The following FER variants were observed in gnomAD, a reference collection of about 807,000 sequenced individuals.
FER encodes the protein tyrosine-protein kinase Fer.
In FER, 63 loss-of-function variants were observed where a neutral mutation model predicts 111.0. The observed-to-expected ratio is 0.57, with a 90% confidence interval of 0.46 to 0.70. The LOEUF is 0.70. Among genes scored for constraint, FER ranks in the 30% least tolerant of loss-of-function variants. The pLI is 0.00. For synonymous variants in FER, 327 were observed against 313.9 expected (o/e 1.04, Z -0.44); for missense variants, 914 against 954.0 (o/e 0.96, Z 0.55).
At chr5:109,004,992 A>T (rs540767512) in intron 13 of FER, among the ~76,000 whole-genome samples, 16 of 152,132 alleles carry the variant, frequency 1.1e-4, no homozygotes, top group Non-Finnish European at 2.2e-4. Context: ...GAACAAACTG[A>T]CTAGGGATGG....
chr5:108,854,192 A>G (rs189644583), intron 5 of FER, among the ~76,000 whole-genome samples: 43 of 152,336 alleles, frequency 2.8e-4, no homozygotes, highest in Middle Eastern at 6.8e-3. Context: ...TATTTTATGT[A>G]TGTTTTCATT....
At chr5:108,958,627 C>T (rs1758742512) in intron 12 of FER, among the ~76,000 whole-genome samples, 1 of 151,760 alleles carries the variant, frequency 6.6e-6, no homozygotes, top group Non-Finnish European at 1.5e-5. Context: ...AGTTTTGTCA[C>T]TGTTGCATTT....
intron 17 of FER, among the ~76,000 whole-genome samples, chr5:109,149,754 G>T (rs1469239553): frequency 6.6e-6 from 1 of 152,070 alleles, no homozygotes; most frequent in African/African-American, 2.4e-5. Context: ...CATGTGGCTG[G>T]GAATAAAATT....
chr5:108,832,748 T>TTG, intron 3 of FER, 22 bp from the exon 4 acceptor site: 2 of 1,445,620 alleles, frequency 1.4e-6, no homozygotes, highest in South Asian at 3.1e-5. Flanking sequence ...AAATGTTTGT[T>TTG]TCTTTTTTTT....
At chr5:108,941,903 C>G (rs1381026006) in intron 10 of FER, among the ~76,000 whole-genome samples, 1 of 152,066 alleles carries the variant, frequency 6.6e-6, no homozygotes, top group Non-Finnish European at 1.5e-5. Context: ...AGAGCAAACC[C>G]TAATGAAAAC....
chr5:109,082,749 GTT>G (rs1777136787), intron 16 of FER, among the ~76,000 whole-genome samples: 1 of 151,862 alleles, frequency 6.6e-6, no homozygotes, highest in South Asian at 2.1e-4. Context: ...AATGTCAACA[GTT>G]TTATATGTTT....
At chr5:109,186,170 A>G (rs1023837993) in intron 18 of FER, 30 bp from the exon 19 acceptor site, 3 of 1,614,016 alleles carry the variant, frequency 1.9e-6, no homozygotes, top group Non-Finnish European at 2.5e-6. Context: ...ACTGTGCCTC[A>G]TGTGGTTATG....
intron 16 of FER, among the ~76,000 whole-genome samples, chr5:109,054,112 C>T (rs73213520): frequency 0.025 from 3,764 of 152,244 alleles, 149 homozygotes; most frequent in African/African-American, 0.083. Context: ...TACAAGCCTT[C>T]ATCTGGACAA....
chr5:108,952,627 C>T (rs906486112), intron 11 of FER, among the ~76,000 whole-genome samples: 14 of 152,038 alleles, frequency 9.2e-5, no homozygotes, highest in Admixed American at 8.5e-4. Flanking sequence ...GAAGTGTGAT[C>T]TTTATGAGAT....
chr5:108,798,520 A>G (rs1470435468), intron 3 of FER, 131 bp downstream of exon 3: 7 of 780,558 alleles, frequency 9.0e-6, no homozygotes, highest in Admixed American at 2.9e-5. Context: ...TTTACAGAGT[A>G]TGAAAATCTC....
chr5:109,036,045 C>G (rs1770346663), intron 13 of FER, among the ~76,000 whole-genome samples: 1 of 152,114 alleles, frequency 6.6e-6, no homozygotes, highest in Non-Finnish European at 1.5e-5. Context: ...GTTCTTCATA[C>G]AAATGCTTTA....
At chr5:109,137,717 G>T (rs1319745953) in intron 17 of FER, among the ~76,000 whole-genome samples, 3 of 152,100 alleles carry the variant, frequency 2.0e-5, no homozygotes, top group Non-Finnish European at 4.4e-5. Flanking sequence ...ACTGAATCTG[G>T]CAAAAGGCCC....
At chr5:108,783,837 C>G (rs774836316) in intron 2 of FER, among the ~76,000 whole-genome samples, 1 of 152,056 alleles carries the variant, frequency 6.6e-6, no homozygotes. Flanking sequence ...TTACCATGCT[C>G]CCTGCTACCC....
At chr5:109,113,712 G>A (rs1236369941) in intron 17 of FER, among the ~76,000 whole-genome samples, 5 of 152,104 alleles carry the variant, frequency 3.3e-5, no homozygotes, top group Non-Finnish European at 7.4e-5. Context: ...TAGTATGGCT[G>A]AGTAATTCAT....
intron 5 of FER, among the ~76,000 whole-genome samples, chr5:108,854,768 C>T (rs1182700961): frequency 6.6e-6 from 1 of 151,810 alleles, no homozygotes; most frequent in African/African-American, 2.4e-5. Context: ...CATGGTGAAA[C>T]CGTGTCTCTA....
chr5:108,867,947 C>A lies in FER; in HGVS notation c.662C>A (p.Ala221Glu). The change falls in exon 6 of 20, where the codon GCA (alanine) becomes GAA (glutamate). Residue 221 changes from alanine (A) to glutamate (E), a missense_variant. Physicochemically the swap from Ala to Glu is moderately radical, Grantham distance 107 (BLOSUM62 -1). This residue lies in a region of FER where 774 missense variants were observed against 782.6 expected (regional missense o/e 0.99). Transcript: ENST00000281092. ...AAGATGCAAGAAGAAATGATAAAAG[C>A]ACTGTAAGATACATTTTCTTTTTAT... ...LQKMQEEMIKALKGIFDEYSQ... is the reference protein window; with the variant it reads ...LQKMQEEMIKELKGIFDEYSQ... 1.9e-6 allele frequency: 3 copies of A among 1,603,822 alleles called. No homozygotes were observed. Among genetic ancestry groups the A allele is most frequent in the Non-Finnish European group, 2.6e-6 (3 of 1,176,398 alleles).
chr5:109,034,390 C>T (rs560146594), intron 13 of FER, among the ~76,000 whole-genome samples: 2 of 152,112 alleles, frequency 1.3e-5, no homozygotes, highest in African/African-American at 4.8e-5. Flanking sequence ...CTTTTCATTT[C>T]GAGGTTACTT....
At chr5:109,005,979 T>C (rs1765446198) in intron 13 of FER, among the ~76,000 whole-genome samples, 3 of 152,378 alleles carry the variant, frequency 2.0e-5, no homozygotes, top group South Asian at 2.1e-4. Flanking sequence ...TGTACATTTT[T>C]AAAATATTTA....
intron 8 of FER, among the ~76,000 whole-genome samples, chr5:108,880,285 TAAG>T (rs755655255): frequency 3.9e-5 from 6 of 152,128 alleles, no homozygotes; most frequent in East Asian, 1.9e-4. Flanking sequence ...AAGAAAGTGA[TAAG>T]GAGAGGAAAG....
Sources: allele counts gnomAD v4.1 joint callset (sites outside exome capture counted in the v4.1 genomes callset), GRCh38; gene constraint gnomAD v4.1.1; regional missense constraint gnomAD v4.1.1; transcripts MANE v1.5; gene names NCBI Gene and HGNC (gene_info 2026-07-23, HGNC 2026-07-21).